The following GRIA2 variants were observed in gnomAD, a reference collection of about 807,000 sequenced individuals.
GRIA2 encodes glutamate ionotropic receptor AMPA type subunit 2.
Under a neutral mutation model 97.3 loss-of-function variants are expected in GRIA2, and 14 were observed. That is an observed-to-expected ratio of 0.14 (90% CI 0.10 to 0.23). The LOEUF (loss-of-function observed/expected upper bound fraction) is 0.23, where lower values mean the gene tolerates loss of function less well. Among genes scored for constraint, GRIA2 ranks in the 10% least tolerant of loss-of-function variants. The pLI, the probability that GRIA2 is intolerant of heterozygous loss-of-function variation, is 1.00. For missense variants in GRIA2, 558 were observed against 1,069.8 expected, an observed-to-expected ratio of 0.52 and a Z score of 6.67; for synonymous variants, 412 against 387.8, an observed-to-expected ratio of 1.06 and a Z score of -0.73.
At chr4:157,359,396 T>C (rs184877699) in intron 12 of GRIA2, among the ~76,000 whole-genome samples, 1 of 152,318 alleles carries the variant, frequency 6.6e-6, no homozygotes, top group Admixed American at 6.5e-5. Context: ...TTTCAGTCAG[T>C]ATTAGATAGA....
chr4:157,321,354 A>T, intron 5 of GRIA2, 84 bp from the exon 6 acceptor site: 1 of 928,160 alleles, frequency 1.1e-6, no homozygotes. Context: ...ATCTAAAACC[A>T]CAATGTATAG....
chr4:157,308,458 C>T (rs1473973739), intron 3 of GRIA2, among the ~76,000 whole-genome samples: 1 of 151,016 alleles, frequency 6.6e-6, no homozygotes, highest in Non-Finnish European at 1.5e-5. Flanking sequence ...TTTAAAAGAA[C>T]ATACTATATT....
intron 2 of GRIA2, among the ~76,000 whole-genome samples, chr4:157,264,737 G>T (rs1731692084): frequency 6.6e-6 from 1 of 152,090 alleles, no homozygotes; most frequent in Admixed American, 6.6e-5. Context: ...CAGGTTGCTA[G>T]TCCCATCTCT....
At chr4:157,315,446 T>C (rs917703667) in intron 4 of GRIA2, among the ~76,000 whole-genome samples, 2 of 151,586 alleles carry the variant, frequency 1.3e-5, no homozygotes, top group Non-Finnish European at 2.9e-5. Context: ...AGAGATGAGA[T>C]AGCACTCCTT....
chr4:157,353,363 C>T (rs575915814), intron 12 of GRIA2, among the ~76,000 whole-genome samples: 1 of 145,964 alleles, frequency 6.9e-6, no homozygotes, highest in Admixed American at 6.8e-5. Context: ...AAAAACAAAA[C>T]AAAACAAAAC....
intron 12 of GRIA2, among the ~76,000 whole-genome samples, chr4:157,346,412 T>C (rs564463629): frequency 6.8e-4 from 103 of 152,290 alleles, no homozygotes; most frequent in Non-Finnish European, 1.2e-3. Context: ...CTGATATTGC[T>C]AATGATTTAT....
intron 12 of GRIA2, among the ~76,000 whole-genome samples, chr4:157,349,011 G>A (rs1384383584): frequency 6.6e-6 from 1 of 152,086 alleles, no homozygotes; most frequent in African/African-American, 2.4e-5. Context: ...TCCTGACATA[G>A]CAAAAAGAAT....
chr4:157,225,984 CTG>C (rs1047886674), intron 2 of GRIA2, among the ~76,000 whole-genome samples: 1 of 151,974 alleles, frequency 6.6e-6, no homozygotes, highest in East Asian at 1.9e-4. Context: ...TAAAATAAAA[CTG>C]TGTAAAAGGG....
intron 2 of GRIA2, among the ~76,000 whole-genome samples, chr4:157,252,208 A>T (rs999919371): frequency 6.6e-6 from 1 of 152,148 alleles, no homozygotes; most frequent in Non-Finnish European, 1.5e-5. Flanking sequence ...AAGGGTATGC[A>T]GGAAGTTCTT....
At chr4:157,313,052 G>A (rs2126886575) in intron 4 of GRIA2, among the ~76,000 whole-genome samples, 177 bp downstream of exon 4, 1 of 152,120 alleles carries the variant, frequency 6.6e-6, no homozygotes, top group Middle Eastern at 3.4e-3. Flanking sequence ...AATAGCAAAT[G>A]GTCATCAGTA....
chr4:157,343,543 C>T (rs1265465119), intron 12 of GRIA2, among the ~76,000 whole-genome samples: 1 of 151,976 alleles, frequency 6.6e-6, no homozygotes, highest in Non-Finnish European at 1.5e-5. Context: ...CGGTTGAAAC[C>T]CAAGCAAGTC....
At chr4:157,355,706 G>A (rs13124476) in intron 12 of GRIA2, among the ~76,000 whole-genome samples, 1 of 92,068 alleles carries the variant, frequency 1.1e-5, no homozygotes, top group South Asian at 3.2e-4. Context: ...ATATATATTT[G>A]TATATATTTA....
intron 2 of GRIA2, among the ~76,000 whole-genome samples, chr4:157,224,970 A>C (rs1268303048): frequency 6.6e-6 from 1 of 152,138 alleles, no homozygotes; most frequent in Non-Finnish European, 1.5e-5. Flanking sequence ...CCACAGAGCT[A>C]AATTTACGTA....
chr4:157,228,563 C>G (rs554588273), intron 2 of GRIA2, among the ~76,000 whole-genome samples: 4 of 151,952 alleles, frequency 2.6e-5, no homozygotes, highest in African/African-American at 9.7e-5. Flanking sequence ...GTGGCCGAGG[C>G]GGGTGGATCA....
intron 2 of GRIA2, among the ~76,000 whole-genome samples, chr4:157,223,938 T>C (rs1404447120): frequency 6.6e-5 from 10 of 152,198 alleles, no homozygotes; most frequent in Non-Finnish European, 1.5e-4. Flanking sequence ...AGATACTCAT[T>C]CTCAATATTT....
chr4:157,355,726 T>G (rs1158690407), intron 12 of GRIA2, among the ~76,000 whole-genome samples: 3 of 92,648 alleles, frequency 3.2e-5, no homozygotes, highest in African/African-American at 1.2e-4. Flanking sequence ...ATTTATATAT[T>G]TATTTATATA....
At chr4:157,346,972 G>A (rs935318065) in intron 12 of GRIA2, among the ~76,000 whole-genome samples, 1 of 152,012 alleles carries the variant, frequency 6.6e-6, no homozygotes, top group Non-Finnish European at 1.5e-5. Flanking sequence ...ATGTATTTAC[G>A]AATACATTTA....
chr4:157,306,959 C>CTCTA (rs1733872453), intron 3 of GRIA2, among the ~76,000 whole-genome samples: 1 of 152,118 alleles, frequency 6.6e-6, no homozygotes, highest in African/African-American at 2.4e-5. Flanking sequence ...GGTTTCATCA[C>CTCTA]TCTACTTAGA....
At chr4:157,231,436 C>A (rs1730014639) in intron 2 of GRIA2, among the ~76,000 whole-genome samples, 1 of 152,092 alleles carries the variant, frequency 6.6e-6, no homozygotes, top group Admixed American at 6.5e-5. Flanking sequence ...CTTGGCCTCC[C>A]AAAGCACTGA....
Sources: gnomAD v4.1 joint callset for allele counts (sites outside exome capture counted in the v4.1 genomes callset) on GRCh38, gnomAD v4.1.1 for gene constraint, MANE v1.5 for transcripts, NCBI Gene and HGNC (gene_info 2026-07-23, HGNC 2026-07-21) for gene names.